Variants in LUZP2 observed in about 807,000 individuals in gnomAD.
The protein encoded by LUZP2 is leucine zipper protein 2.
LUZP2 carries 52 observed loss-of-function variants against 51.6 expected under a neutral mutation model. The observed-to-expected ratio is 1.01, with a 90% CI of 0.81 to 1.27. The LOEUF (loss-of-function observed/expected upper bound fraction) is 1.27. Ranked by LOEUF, LUZP2 falls within the 50% of genes most tolerant of loss-of-function variation. The pLI is 0.00. For missense variants in LUZP2, 436 were observed against 395.4 expected (o/e 1.10, Z -0.87); for synonymous variants, 154 against 137.3 (o/e 1.12, Z -0.85).
intron 7 of LUZP2, among the ~76,000 whole-genome samples, chr11:24,964,912 A>C (rs557577937): frequency 4.6e-5 from 7 of 152,102 alleles, no homozygotes; most frequent in Non-Finnish European, 8.8e-5. Context: ...ATTTTCATGA[A>C]GACAAACATG....
At chr11:24,629,971 G>A (rs1441497945) in intron 1 of LUZP2, among the ~76,000 whole-genome samples, 3 of 151,442 alleles carry the variant, frequency 2.0e-5, no homozygotes, top group African/African-American at 4.8e-5. Flanking sequence ...TTTCATATAC[G>A]TGTTGGCCAT....
At chr11:25,040,173 C>G (rs1016954074) in intron 9 of LUZP2, among the ~76,000 whole-genome samples, 6 of 152,028 alleles carry the variant, frequency 3.9e-5, no homozygotes, top group Non-Finnish European at 7.4e-5. Flanking sequence ...TGAGCATTTG[C>G]ATGCTCCAAA....
chr11:24,915,296 T>C (rs1853756334), intron 7 of LUZP2, among the ~76,000 whole-genome samples: 1 of 152,084 alleles, frequency 6.6e-6, no homozygotes, highest in South Asian at 2.1e-4. Context: ...TGTTTTTCAT[T>C]GTCCTCTACA....
chr11:24,782,845 G>A (rs531755809), intron 5 of LUZP2, among the ~76,000 whole-genome samples: 1 of 152,092 alleles, frequency 6.6e-6, no homozygotes, highest in African/African-American at 2.4e-5. Context: ...TTAATGACAA[G>A]CCTTTTATAT....
intron 1 of LUZP2, among the ~76,000 whole-genome samples, chr11:24,709,549 C>A (rs552406435): frequency 6.6e-6 from 1 of 152,000 alleles, no homozygotes; most frequent in Non-Finnish European, 1.5e-5. Flanking sequence ...TTATCATATG[C>A]CTATTTAGTG....
chr11:24,854,835 A>G (rs887368351), intron 5 of LUZP2, among the ~76,000 whole-genome samples: 7 of 152,296 alleles, frequency 4.6e-5, no homozygotes, highest in Middle Eastern at 3.4e-3. Flanking sequence ...GCTGGAATGC[A>G]CTGTTCCTCA....
intron 1 of LUZP2, among the ~76,000 whole-genome samples, chr11:24,520,713 A>G (rs1295131417): frequency 1.3e-5 from 2 of 152,234 alleles, no homozygotes; most frequent in Non-Finnish European, 2.9e-5. Flanking sequence ...TAGGCTTAGG[A>G]AACCTTAATG....
chr11:24,669,092 A>C (rs1169386335), intron 1 of LUZP2, among the ~76,000 whole-genome samples: 2 of 152,162 alleles, frequency 1.3e-5, no homozygotes. Context: ...AAAGGAAATC[A>C]AAAGAACCAA....
At chr11:24,919,979 A>T (rs1277822320) in intron 7 of LUZP2, among the ~76,000 whole-genome samples, 1 of 151,842 alleles carries the variant, frequency 6.6e-6, no homozygotes, top group Non-Finnish European at 1.5e-5. Context: ...CTACACAACC[A>T]TGACAAGTTG....
intron 5 of LUZP2, among the ~76,000 whole-genome samples, chr11:24,903,159 A>G (rs890292602): frequency 6.6e-6 from 1 of 152,206 alleles, no homozygotes; most frequent in Non-Finnish European, 1.5e-5. Context: ...CAGAGCCAGA[A>G]CATATCAGTG....
intron 9 of LUZP2, among the ~76,000 whole-genome samples, chr11:25,046,234 A>AAAAT (rs1379071763): frequency 5.3e-5 from 8 of 151,754 alleles, no homozygotes; most frequent in African/African-American, 1.5e-4. Context: ...TCCAAAAAAA[A>AAAAT]AAATGAGTCA....
chr11:24,983,753 G>A (rs1325784569), intron 9 of LUZP2, among the ~76,000 whole-genome samples: 2 of 149,844 alleles, frequency 1.3e-5, no homozygotes, highest in African/African-American at 4.9e-5. Flanking sequence ...GTGTGTTTAG[G>A]TGTATTTACA....
intron 5 of LUZP2, among the ~76,000 whole-genome samples, chr11:24,864,029 G>A (rs529830217): frequency 1.5e-3 from 230 of 152,194 alleles, no homozygotes; most frequent in Middle Eastern, 6.8e-3. Context: ...AACTTAGAGG[G>A]TGCTGAAGTA....
At chr11:24,647,402 A>G (rs1358950437) in intron 1 of LUZP2, among the ~76,000 whole-genome samples, 1 of 152,010 alleles carries the variant, frequency 6.6e-6, no homozygotes, top group Non-Finnish European at 1.5e-5. Context: ...AGAAAAAGAA[A>G]AGAAACTTCA....
intron 7 of LUZP2, among the ~76,000 whole-genome samples, chr11:24,947,753 A>C (rs1854940610): frequency 6.6e-6 from 1 of 151,866 alleles, no homozygotes; most frequent in African/African-American, 2.4e-5. Context: ...TATCTGTTTT[A>C]TCCTTCAATA....
chr11:24,767,771 A>C (rs1860247323), intron 5 of LUZP2, among the ~76,000 whole-genome samples: 3 of 152,270 alleles, frequency 2.0e-5, no homozygotes, highest in African/African-American at 7.2e-5. Flanking sequence ...TTTGTGTTTG[A>C]ATATTGTTTG....
chr11:24,676,848 G>A (rs1372635873), intron 1 of LUZP2, among the ~76,000 whole-genome samples: 1 of 152,028 alleles, frequency 6.6e-6, no homozygotes, highest in Non-Finnish European at 1.5e-5. Context: ...TATATTTTTA[G>A]TAGAGACGGG....
At chr11:24,836,922 A>G (rs1464443220) in intron 5 of LUZP2, among the ~76,000 whole-genome samples, 1 of 151,842 alleles carries the variant, frequency 6.6e-6, no homozygotes, top group Non-Finnish European at 1.5e-5. Flanking sequence ...CCTCATTAGC[A>G]TGTTAGCAAA....
intron 1 of LUZP2, among the ~76,000 whole-genome samples, chr11:24,530,225 C>T (rs1850951152): frequency 6.6e-6 from 1 of 150,780 alleles, no homozygotes; most frequent in Non-Finnish European, 1.5e-5. Flanking sequence ...AGGAGATTTA[C>T]ACTATTCTCA....
Sources: allele counts gnomAD v4.1 joint callset (sites outside exome capture counted in the v4.1 genomes callset), GRCh38; gene constraint gnomAD v4.1.1; transcripts MANE v1.5; gene names NCBI Gene and HGNC (gene_info 2026-07-23, HGNC 2026-07-21).